Variants in PPP2R5A observed in about 807,000 individuals in gnomAD.
PPP2R5A encodes protein phosphatase 2 regulatory subunit B'alpha.
Under a neutral mutation model 64.2 loss-of-function variants are expected in PPP2R5A, and 25 were observed. The ratio of observed to expected loss-of-function variants is 0.39; its 90% confidence interval spans 0.28 to 0.54. The LOEUF (loss-of-function observed/expected upper bound fraction) is 0.54. Ranked by LOEUF, PPP2R5A falls within the 20% of genes least tolerant of loss-of-function variation. PPP2R5A has a pLI of 0.67. For synonymous variants in PPP2R5A, 198 were observed against 201.2 expected (o/e 0.98, Z 0.13); for missense variants, 425 against 576.3 (o/e 0.74, Z 2.69).
chr1:212,356,464 T>A (rs781655661), intron 8 of PPP2R5A, among the ~76,000 whole-genome samples, 162 bp from the exon 9 acceptor site: 12 of 152,202 alleles, frequency 7.9e-5, no homozygotes, highest in Non-Finnish European at 1.8e-4. Flanking sequence ...TTAGTTGAAT[T>A]AATAAAATTC....
In PPP2R5A at chr1:212,330,042, T is replaced by C. The variant is rs116148719; in HGVS notation, c.378+711T>C. Among the ~76,000 whole-genome samples, 813 of 152,276 alleles carry C rather than the reference T, an allele frequency of 5.3e-3. 23 individuals are homozygous for C. The highest frequency in any genetic ancestry group is 6.6e-3 in the South Asian group (32 of 4,834). On this transcript the variant is annotated intron_variant, in intron 2 of 12. Coordinates refer to ENST00000261461, the MANE Select transcript of PPP2R5A (RefSeq NM_006243.4). ...AAGGGAGTCAGGTATAACGCTTTAA[T>C]TGAAAGTCAGGATCTTTAAGAAGTT...
intron 1 of PPP2R5A, among the ~76,000 whole-genome samples, chr1:212,318,041 T>C (rs1659192306): frequency 6.6e-6 from 1 of 152,238 alleles, no homozygotes; most frequent in African/African-American, 2.4e-5. Flanking sequence ...CTAGCGGGGC[T>C]TTTGTGAGTT....
chr1:212,298,845 A>T, intron 1 of PPP2R5A, among the ~76,000 whole-genome samples: 1 of 28,718 alleles, frequency 3.5e-5, no homozygotes. Context: ...GGCGCCCCTC[A>T]CCTCCCGGAC....
intron 1 of PPP2R5A, among the ~76,000 whole-genome samples, chr1:212,313,124 G>A (rs1659069807): frequency 6.6e-6 from 1 of 152,064 alleles, no homozygotes; most frequent in African/African-American, 2.4e-5. Flanking sequence ...TCTTTTTCCT[G>A]TGCTTTCTCT....
intron 1 of PPP2R5A, among the ~76,000 whole-genome samples, chr1:212,306,599 A>G (rs910575026): frequency 1.6e-4 from 25 of 152,016 alleles, no homozygotes; most frequent in South Asian, 1.0e-3. Context: ...GGTTGTTTAC[A>G]TGATATATTA....
At chr1:212,302,292 C>T (rs12743785) in intron 1 of PPP2R5A, among the ~76,000 whole-genome samples, 25,227 of 152,156 alleles carry the variant, frequency 0.17, 2,538 homozygotes, top group Middle Eastern at 0.3. Flanking sequence ...CTGTGGCCAT[C>T]TTAATAAGCT....
In PPP2R5A at chr1:212,351,575, G is replaced by A. The variant is rs548353421; in HGVS notation, c.927+2333G>A. Among the ~76,000 whole-genome samples the A allele has an allele frequency of 1.5e-4, 23 of 152,114 alleles. 1 individual carries two copies. The South Asian group carries it at 3.5e-3, about 23-fold the overall frequency. On this transcript the variant is annotated intron_variant, in intron 8 of 12. Transcript: ENST00000261461. ...CTAAAAATACAAAAATTAGCCGGGCGTGATGGCGGGCACCTGTAATCCCAG... is the reference window on the plus strand; with the variant it reads ...CTAAAAATACAAAAATTAGCCGGGCATGATGGCGGGCACCTGTAATCCCAG...
intron 1 of PPP2R5A, among the ~76,000 whole-genome samples, chr1:212,291,607 T>C (rs1658603392): frequency 6.6e-6 from 1 of 152,248 alleles, no homozygotes; most frequent in African/African-American, 2.4e-5. Context: ...TTCTCTCTGA[T>C]ACTCATGGTT....
Position 212,346,818 on chromosome 1 carries a change from T to A in PPP2R5A, c.705-529T>A, listed in dbSNP as rs1318796514. Among the ~76,000 whole-genome samples the A allele has an allele frequency of 3.9e-5, 6 of 152,108 alleles. No homozygotes were observed. The East Asian group carries it at 1.2e-3, about 29-fold the overall frequency. ...TGAGTAATATCTGCCTCCTCTAGAG[T>A]GAATATCTTTCTCCAGTTCTCTGTC... is the stretch of plus-strand genomic sequence containing the variant. On this transcript the variant is annotated intron_variant, in intron 5 of 12. Transcript: ENST00000261461.
At chr1:212,286,321 G>A in intron 1 of PPP2R5A, 30 bp downstream of exon 1, 1 of 1,453,618 alleles carries the variant, frequency 6.9e-7, no homozygotes, top group Non-Finnish European at 9.1e-7. Context: ...CCCCAGCAGC[G>A]AGCGCAGGGG....
chr1:212,296,684 A>C (rs779061637), intron 1 of PPP2R5A, among the ~76,000 whole-genome samples: 14 of 152,228 alleles, frequency 9.2e-5, no homozygotes, highest in Non-Finnish European at 1.6e-4. Context: ...GAGACCCAAG[A>C]CCATATTTTC....
intron 5 of PPP2R5A, among the ~76,000 whole-genome samples, chr1:212,346,729 T>G (rs1008127928): frequency 2.0e-5 from 3 of 152,162 alleles, no homozygotes; most frequent in Non-Finnish European, 2.9e-5. Flanking sequence ...AAGGTTTGGT[T>G]TGTTTAATTA....
At chr1:212,292,398 T>C (rs542715766) in intron 1 of PPP2R5A, among the ~76,000 whole-genome samples, 6 of 152,370 alleles carry the variant, frequency 3.9e-5, no homozygotes, top group Admixed American at 2.0e-4. Flanking sequence ...AATCCTGTTA[T>C]GGTACCAAAT....
At chr1:212,317,232 ATC>A (rs1659172432) in intron 1 of PPP2R5A, among the ~76,000 whole-genome samples, 1 of 151,704 alleles carries the variant, frequency 6.6e-6, no homozygotes, top group South Asian at 2.1e-4. Context: ...GTGGGTTTTT[ATC>A]TCTTTTTTTT....
At chr1:212,335,682 T>C (rs1325395659) in intron 3 of PPP2R5A, among the ~76,000 whole-genome samples, 4 of 152,204 alleles carry the variant, frequency 2.6e-5, no homozygotes, top group African/African-American at 9.6e-5. Flanking sequence ...CTTACAGAAC[T>C]AGAAAAATCC....
At chr1:212,294,134 G>T (rs1658651234) in intron 1 of PPP2R5A, among the ~76,000 whole-genome samples, 1 of 152,052 alleles carries the variant, frequency 6.6e-6, no homozygotes, top group South Asian at 2.1e-4. Flanking sequence ...TCAGCAGAAC[G>T]CAGATTTTAA....
intron 8 of PPP2R5A, among the ~76,000 whole-genome samples, chr1:212,356,242 C>G (rs1659975762): frequency 6.6e-6 from 1 of 152,120 alleles, no homozygotes; most frequent in Non-Finnish European, 1.5e-5. Context: ...ACCTCCCTCT[C>G]TCACCCCACC....
chr1:212,310,653 C>G (rs1445719903), intron 1 of PPP2R5A, among the ~76,000 whole-genome samples: 1 of 152,176 alleles, frequency 6.6e-6, no homozygotes, highest in Non-Finnish European at 1.5e-5. Flanking sequence ...TTGCCTCTTC[C>G]AGTGTGGAAT....
At chr1:212,358,369 T>A (rs1660020595) in intron 11 of PPP2R5A, 1 of 170,104 alleles carries the variant, frequency 5.9e-6, no homozygotes, top group Non-Finnish European at 1.3e-5. Flanking sequence ...CTTTTTCATC[T>A]TCTTTTAATG....
Sources: gnomAD v4.1 joint callset for allele counts (sites outside exome capture counted in the v4.1 genomes callset) on GRCh38, gnomAD v4.1.1 for gene constraint, MANE v1.5 for transcripts, NCBI Gene and HGNC (gene_info 2026-07-23, HGNC 2026-07-21) for gene names.